Variants in KNCN observed in about 807,000 individuals in gnomAD.
The protein encoded by KNCN is kinocilin.
In KNCN, 11 loss-of-function variants were observed where a neutral mutation model predicts 10.4. The observed-to-expected ratio is 1.06, with a 90% confidence interval of 0.67 to 1.75. The LOEUF (loss-of-function observed/expected upper bound fraction) is 1.75. KNCN is among the 40% of genes most tolerant of loss of function. The pLI is 0.00. For missense variants in KNCN, 172 were observed against 167.1 expected, an observed-to-expected ratio of 1.03 and a Z score of -0.16; for synonymous variants, 67 against 71.6, an observed-to-expected ratio of 0.94 and a Z score of 0.33.
chr1:46,549,470 G>A (rs1319361794), intron 2 of KNCN, among the ~76,000 whole-genome samples: 1 of 152,172 alleles, frequency 6.6e-6, no homozygotes, highest in African/African-American at 2.4e-5. Context: ...GAAAATGGCA[G>A]ATCTTTTAGG....
At chr1:46,550,744 G>C (rs1667049781) in intron 1 of KNCN, among the ~76,000 whole-genome samples, 3 of 152,138 alleles carry the variant, frequency 2.0e-5, no homozygotes, top group Non-Finnish European at 4.4e-5. Flanking sequence ...TCAACCCCCT[G>C]TTCCGCCCAG....
Position 46,550,576 on chromosome 1 carries a change from C to T in KNCN, c.151+489G>A, listed in dbSNP as rs544165958. On this transcript the variant is annotated intron_variant, in intron 1 of 3. Transcript: ENST00000481882. ...AGGTGAGGTGAGGGATGGCATTCAG[C>T]GTCACTGCGGGGCAATCAGTGGGCG... Among the ~76,000 whole-genome samples, 200 of 152,204 alleles carry T rather than the reference C, an allele frequency of 1.3e-3. 1 individual carries two copies. The highest frequency in any genetic ancestry group is 4.5e-3 in the African/African-American group (188 of 41,510).
chr1:46,546,773 T>G lies in KNCN; in HGVS notation c.*957A>C, dbSNP rs1303187695. ...GGGGCAACGTTCAGTAGACTTAAGA[T>G]GGTTTAATAATTGTTTTGTGAAAAG... On this transcript the variant is annotated 3_prime_UTR_variant, in exon 4 of 4. Transcript: ENST00000481882. The G allele has an allele frequency of 6.5e-6, 1 of 154,926 alleles. No homozygotes were observed. The highest frequency in any genetic ancestry group is 2.0e-4 in the South Asian group (1 of 5,082). 9.6% of individuals were successfully genotyped at this position (154,926 alleles called of 1,614,324 possible).
At chr1:46,549,792 A>G in intron 2 of KNCN, 142 bp downstream of exon 2, 1 of 1,452,646 alleles carries the variant, frequency 6.9e-7, no homozygotes, top group Non-Finnish European at 9.3e-7. Context: ...ACACACACAC[A>G]CACAGCAGCT....
In KNCN at chr1:46,546,156, G is replaced by A. The variant is rs565514633; in HGVS notation, c.*1574C>T. On this transcript the variant is annotated 3_prime_UTR_variant, in exon 4 of 4. Transcript: ENST00000481882. ...CAGCAGAAGATAGAGCCTTGGATAG[G>A]GAGAGATAGGAGACCTGGCTGCAGG... 2 of 152,308 alleles carry A rather than the reference G, an allele frequency of 1.3e-5. No individual in the cohort carries two copies. The highest frequency in any genetic ancestry group is 1.9e-4 in the East Asian group (1 of 5,162). The allele number at this position is 152,308 out of a possible 1,614,324, so 9.4% of individuals were successfully genotyped here.
chr1:46,549,502 C>G (rs151054481), intron 2 of KNCN, among the ~76,000 whole-genome samples: 1 of 152,062 alleles, frequency 6.6e-6, no homozygotes, highest in Non-Finnish European at 1.5e-5. Flanking sequence ...CCGGGGAGAA[C>G]TGGGGCCATG....
Position 46,551,149 on chromosome 1 carries a change from C to A in KNCN, c.67G>T (p.Val23Leu), listed in dbSNP as rs1441214445. 1 of 1,611,362 alleles carries A rather than the reference C, an allele frequency of 6.2e-7. No homozygotes were observed. Among genetic ancestry groups the A allele is most frequent in the African/African-American group, 1.3e-5 (1 of 74,908 alleles). ...ATGCCGATAATGATGCTGCCAGCCA[C>A]CAGCCCGAGAGCCACGCAGGCCAGC... ...LQLACVALGL[V>L]AGSIIIGISV... Residue 23 changes from valine (V) to leucine (L), a missense_variant, in exon 1 of 4, where the codon GTG (valine) becomes TTG (leucine). Physicochemically the swap from Val to Leu is conservative, Grantham distance 32. Coordinates refer to ENST00000481882, the MANE Select transcript of KNCN (RefSeq NM_001322255.2). This position sits in a 1 kb window ranked among gnomAD's most constrained non-coding sequence, Gnocchi z 4.0.
At position 46,550,022 on chromosome 1, in the gene KNCN, GT is replaced by G; in HGVS notation, c.152-21del. On this transcript the variant is annotated intron_variant, in intron 1 of 3. Transcript: ENST00000481882. ...GGAGCCCTGAGAAGAGACACAGGGG[GT>G]TCTGTGATGGGGAGGAGCCTGGTGA... 6.4e-7 allele frequency: 1 copy of G among 1,550,658 alleles called. No homozygotes were observed. The highest frequency in any genetic ancestry group is 1.4e-5 in the African/African-American group (1 of 73,154).
intron 3 of KNCN, among the ~76,000 whole-genome samples, chr1:46,548,344 G>T (rs956681001): frequency 6.6e-6 from 1 of 152,174 alleles, no homozygotes; most frequent in Non-Finnish European, 1.5e-5. Flanking sequence ...CTTTCCAGGT[G>T]TGGGGTGGAA....
rs1667017216 is a variant in KNCN, at chr1:46,549,263, G to C, written c.225C>G (p.Ser75Arg). 6.2e-7 allele frequency: 1 copy of C among 1,612,164 alleles called. No individual in the cohort carries two copies. Among genetic ancestry groups the C allele is most frequent in the Admixed American group, 1.7e-5 (1 of 59,872 alleles). The change falls in exon 3 of 4, where the codon AGC (serine) becomes AGG (arginine). Residue 75 changes from serine (S) to arginine (R), a missense_variant. By Grantham distance (110) the Ser-to-Arg change is moderately radical (BLOSUM62 -1). Transcript: ENST00000481882. ...NLDHILPTIG[S>R]LRIHPHPGAD... Reference sequence around the variant, plus strand: ...CCCCTGGATGGGGATGGATTCTTAGGCTCCCTGCAGGATGAGACCACCCCA... The same window carrying C: ...CCCCTGGATGGGGATGGATTCTTAGCCTCCCTGCAGGATGAGACCACCCCA...
chr1:46,547,170 T>C lies in KNCN; in HGVS notation c.*560A>G. On this transcript the variant is annotated 3_prime_UTR_variant, in exon 4 of 4. Coordinates refer to ENST00000481882, the MANE Select transcript of KNCN (RefSeq NM_001322255.2). ...CCCCAAATTCCCCCATCTGATTCACTGCTGCTCAGAGCCTGTCCCTGAGGA... is the reference window on the plus strand; with the variant it reads ...CCCCAAATTCCCCCATCTGATTCACCGCTGCTCAGAGCCTGTCCCTGAGGA... 2.8e-6 allele frequency: 1 copy of C among 352,060 alleles called. No homozygotes were observed. Among genetic ancestry groups the C allele is most frequent in the South Asian group, 2.2e-5 (1 of 46,328 alleles). The allele number at this position is 352,060 out of a possible 1,614,324, so 21.8% of individuals were successfully genotyped here.
In KNCN at chr1:46,551,202, A is replaced by T. The variant is rs1197678626; in HGVS notation, c.14T>A (p.Ile5Asn). ...CAGGCCGCGGAAGTCTCTGCTGCTG[A>T]TGGGGATGTCCATGCAGGCCCACCC... MDIP[I>N]SSRDFRGLQL... Residue 5 changes from isoleucine to asparagine, a missense_variant, in exon 1 of 4, where the codon ATC (isoleucine) becomes AAC (asparagine). Ile to Asn is a moderately radical substitution (Grantham distance 149). Coordinates refer to ENST00000481882, the MANE Select transcript of KNCN (RefSeq NM_001322255.2). The surrounding 1 kb of genome is among the most constrained non-coding windows in gnomAD (Gnocchi z 4.0). 6.2e-7 allele frequency: 1 copy of T among 1,608,762 alleles called. No individual in the cohort carries two copies. Among genetic ancestry groups the T allele is most frequent in the Admixed American group, 1.7e-5 (1 of 59,432 alleles).
At chr1:46,548,685 G>A (rs1666998401) in intron 3 of KNCN, among the ~76,000 whole-genome samples, 1 of 152,204 alleles carries the variant, frequency 6.6e-6, no homozygotes, top group Non-Finnish European at 1.5e-5. Flanking sequence ...AGCCCTCAGA[G>A]TAAGCAAGAG....
chr1:46,549,314 C>G, intron 2 of KNCN, 47 bp from the exon 3 acceptor site: 1 of 1,428,768 alleles, frequency 7.0e-7, no homozygotes, highest in Non-Finnish European at 9.6e-7. Flanking sequence ...GAGCCATTCC[C>G]CAAATCAAGC....
chr1:46,547,707 T>A lies in KNCN; in HGVS notation c.*23A>T. On this transcript the variant is annotated 3_prime_UTR_variant, in exon 4 of 4. Transcript: ENST00000481882. ...GCAGGCAGGATGGGAGGGCAGGGCA[T>A]GGGCAGCCGCTCAGACTTTGCCTCA... 6.6e-7 allele frequency: 1 copy of A among 1,516,770 alleles called. No individual in the cohort carries two copies. Among genetic ancestry groups the A allele is most frequent in the Non-Finnish European group, 8.9e-7 (1 of 1,125,998 alleles). 94.0% of individuals were successfully genotyped at this position (1,516,770 alleles called of 1,614,324 possible). A position where few individuals can be genotyped will look rare whatever the true frequency, so the allele number is the denominator to read the frequency against.
rs1201690071 is a variant in KNCN at position 46,549,943 on chromosome 1, G to T, written c.211C>A (p.Pro71Thr). The T allele has an allele frequency of 6.4e-7, 1 of 1,550,620 alleles. No homozygotes were observed. The highest frequency in any genetic ancestry group is 8.7e-7 in the Non-Finnish European group (1 of 1,146,994). Residue 71 changes from proline to threonine, a missense_variant, in exon 2 of 4, where the codon CCT (proline) becomes ACT (threonine). Coordinates refer to ENST00000481882, the MANE Select transcript of KNCN (RefSeq NM_001322255.2). ...CAGGGAGAGGCCTCACCTATGGTAGGCAGGATGTGGTCCAGGTTGAACCGA... is the reference window on the plus strand; with the variant it reads ...CAGGGAGAGGCCTCACCTATGGTAGTCAGGATGTGGTCCAGGTTGAACCGA... ...KARFNLDHIL[P>T]TIGSLRIHPH...
At chr1:46,549,790 A>C in intron 2 of KNCN, 144 bp downstream of exon 2, 1 of 1,446,526 alleles carries the variant, frequency 6.9e-7, no homozygotes, top group Non-Finnish European at 9.4e-7. Flanking sequence ...CAACACACAC[A>C]CACACAGCAG....
rs1303248932 is a variant in KNCN at position 46,549,994 on chromosome 1, T to G, written c.160A>C (p.Ile54Leu). ...GCCTTCAGGAAGGGGTAGGCCAAGA[T>G]GAGGAGCCCTGAGAAGAGACACAGG... is the stretch of plus-strand genomic sequence containing the variant. ...FIGAAVLGLL[I>L]LAYPFLKARF... The change falls in exon 2 of 4, where the codon ATC (isoleucine) becomes CTC (leucine). Residue 54 changes from isoleucine (I) to leucine (L), a missense_variant. Transcript: ENST00000481882. The G allele has an allele frequency of 5.8e-6, 9 of 1,550,298 alleles. No homozygotes were observed. Among genetic ancestry groups the G allele is most frequent in the Non-Finnish European group, 7.8e-6 (9 of 1,146,958 alleles).
chr1:46,549,187 A>G lies in KNCN; in HGVS notation c.295+6T>C, dbSNP rs779928140. On this transcript the variant is annotated splice_donor_region_variant and intron_variant, in intron 3 of 3. Transcript: ENST00000481882. ...AAGGATGGACTCGGGAATTTCTGGA[A>G]CTTACCTTCCTTGTTGCCATTGGTG... 1 of 1,603,194 alleles carries G rather than the reference A, an allele frequency of 6.2e-7. No homozygotes were observed. Among genetic ancestry groups the G allele is most frequent in the South Asian group, 1.1e-5 (1 of 88,764 alleles).
Sources: gnomAD v4.1 joint callset for allele counts (sites outside exome capture counted in the v4.1 genomes callset) on GRCh38, gnomAD v4.1.1 for gene constraint, Gnocchi (gnomAD v3.1) non-coding constraint, MANE v1.5 for transcripts, NCBI Gene and HGNC (gene_info 2026-07-23, HGNC 2026-07-21) for gene names.